Variants in PLCD3 observed in about 807,000 individuals in gnomAD.
The protein encoded by PLCD3 is 1-phosphatidylinositol 4,5-bisphosphate phosphodiesterase delta-3.
In PLCD3, 62 loss-of-function variants were observed where a neutral mutation model predicts 82.8. That is an observed-to-expected ratio of 0.75 (90% CI 0.61 to 0.93). The LOEUF (loss-of-function observed/expected upper bound fraction) is 0.93. Ranked by LOEUF, PLCD3 falls within the 40% of genes least tolerant of loss-of-function variation. The probability of loss-of-function intolerance (pLI) is 0.00; values close to 1 mark genes in which losing one functional copy is unlikely to be tolerated. For synonymous variants in PLCD3, 478 were observed against 471.8 expected (o/e 1.01, Z -0.17); for missense variants, 1,023 against 1,103.4 (o/e 0.93, Z 1.03).
rs779683329 is a variant in PLCD3 at position 45,116,622 on chromosome 17, G to A, written c.1413+10C>T. 1 of 1,566,782 alleles carries A rather than the reference G, an allele frequency of 6.4e-7. No individual in the cohort carries two copies. The highest frequency in any genetic ancestry group is 1.4e-5 in the African/African-American group (1 of 73,226). ...TCCCTCCACCCAGGCTAGGGGCTGG[G>A]GGGCGTCACCTCTGGGGATGGCAGC... On this transcript the variant is annotated intron_variant, in intron 8 of 14. Transcript: ENST00000619929.
In PLCD3 at chr17:45,115,075, C is replaced by G; in HGVS notation, c.1711+19G>C. 6.3e-7 allele frequency: 1 copy of G among 1,585,974 alleles called. No individual in the cohort carries two copies. Among genetic ancestry groups the G allele is most frequent in the South Asian group, 1.2e-5 (1 of 86,322 alleles). ...CTCTCACCCTCTCGCCCCCAGACAC[C>G]CAGTGCCCCAGCTCCTACCTGCCTC... On this transcript the variant is annotated intron_variant, in intron 10 of 14. Coordinates refer to ENST00000619929, the MANE Select transcript of PLCD3 (RefSeq NM_133373.5).
chr17:45,130,930 A>AC (rs1255660971), intron 1 of PLCD3, among the ~76,000 whole-genome samples: 1 of 55,736 alleles, frequency 1.8e-5, no homozygotes. Context: ...CTGTTCCCCC[A>AC]CCCCCAAGGT....
chr17:45,115,541 G>A (rs778245853), intron 8 of PLCD3, 51 bp from the exon 9 acceptor site: 1 of 1,510,218 alleles, frequency 6.6e-7, no homozygotes, highest in Non-Finnish European at 9.0e-7. Flanking sequence ...CGCCCCTGTG[G>A]CAGCCAGTCA....
chr17:45,118,809 C>T lies in PLCD3; in HGVS notation c.913+6G>A, dbSNP rs1487041405. The T allele has an allele frequency of 6.3e-7, 1 of 1,597,976 alleles. No homozygotes were observed. Among genetic ancestry groups the T allele is most frequent in the Non-Finnish European group, 8.5e-7 (1 of 1,169,922 alleles). ...TGCCACGACCTGGCCGTGCCACCCC[C>T]CCCACCTGTCTCGTTGAGCTCATAG... On this transcript the variant is annotated splice_donor_region_variant and intron_variant, in intron 5 of 14. Coordinates refer to ENST00000619929, the MANE Select transcript of PLCD3 (RefSeq NM_133373.5). This position sits in a 1 kb window ranked among gnomAD's most constrained non-coding sequence, Gnocchi z 4.1.
chr17:45,119,146 A>G, intron 4 of PLCD3, 103 bp from the exon 5 acceptor site: 2 of 837,494 alleles, frequency 2.4e-6, no homozygotes, highest in South Asian at 3.5e-5. Flanking sequence ...AATGGTCCCC[A>G]TTTCACAGGT....
chr17:45,131,983 C>G (rs1032653623), intron 1 of PLCD3, among the ~76,000 whole-genome samples: 1 of 152,224 alleles, frequency 6.6e-6, no homozygotes, highest in African/African-American at 2.4e-5. Flanking sequence ...CCCACCAGCG[C>G]CCCGTGCCCG....
intron 4 of PLCD3, among the ~76,000 whole-genome samples, chr17:45,119,535 C>T (rs886815900): frequency 5.9e-5 from 9 of 152,196 alleles, no homozygotes; most frequent in Non-Finnish European, 1.3e-4. Flanking sequence ...TGAGCCTGGC[C>T]GGCAGGGCTG....
chr17:45,122,604 T>G (rs536538895), intron 1 of PLCD3, among the ~76,000 whole-genome samples: 18 of 152,310 alleles, frequency 1.2e-4, no homozygotes, highest in African/African-American at 4.1e-4. Context: ...ATGGCCCCAG[T>G]GGCACTAACC....
At chr17:45,123,949 T>A (rs1172040635) in intron 1 of PLCD3, among the ~76,000 whole-genome samples, 1 of 108,930 alleles carries the variant, frequency 9.2e-6, no homozygotes, top group East Asian at 2.4e-4. Flanking sequence ...GCCGAGGGGC[T>A]CACCAGACCC....
At chr17:45,129,959 T>C (rs552682063) in intron 1 of PLCD3, among the ~76,000 whole-genome samples, 1 of 152,128 alleles carries the variant, frequency 6.6e-6, no homozygotes, top group African/African-American at 2.4e-5. Flanking sequence ...GGCTAAGGGG[T>C]GTGGTGATGG....
intron 1 of PLCD3, among the ~76,000 whole-genome samples, chr17:45,126,989 T>C (rs763888639): frequency 5.3e-5 from 8 of 152,230 alleles, no homozygotes; most frequent in Admixed American, 1.3e-4. Context: ...TCAAAAATGC[T>C]GTTAAAGAAG....
In PLCD3 at chr17:45,119,118, T is replaced by C. The variant is rs2054317343; in HGVS notation, c.685-75A>G. 7.7e-6 allele frequency: 9 copies of C among 1,169,058 alleles called. No individual in the cohort carries two copies. In the South Asian group the frequency reaches 1.2e-4, roughly 15 times the overall value. The allele number at this position is 1,169,058 out of a possible 1,614,324, so 72.4% of individuals were successfully genotyped here. ...TGGCCCCTTTGACCCATCTGTCATCTACCACATCTGAGAAGGCAATGGTCC... is the reference window on the plus strand; with the variant it reads ...TGGCCCCTTTGACCCATCTGTCATCCACCACATCTGAGAAGGCAATGGTCC... On this transcript the variant is annotated intron_variant, in intron 4 of 14. Coordinates refer to ENST00000619929, the MANE Select transcript of PLCD3 (RefSeq NM_133373.5).
At chr17:45,127,048 G>A (rs1293682855) in intron 1 of PLCD3, among the ~76,000 whole-genome samples, 1 of 152,234 alleles carries the variant, frequency 6.6e-6, no homozygotes, top group African/African-American at 2.4e-5. Context: ...GTGGAAGTTG[G>A]GGGAGTCTGA....
At position 45,121,269 on chromosome 17, in the gene PLCD3, C is replaced by G; in HGVS notation, c.267G>C (p.Glu89Asp). Reference sequence around the variant, plus strand: ...GCTGGAACCACACGCTCAGGCCGTCCTCCTGCAGCCGGTACAGCCGCTCCT... The same window carrying G: ...GCTGGAACCACACGCTCAGGCCGTCGTCCTGCAGCCGGTACAGCCGCTCCT... ...WHKERLYRLQ[E>D]DGLSVWFQRR... Residue 89 changes from glutamate to aspartate, a missense_variant, in exon 2 of 15, where the codon GAG (glutamate) becomes GAC (aspartate). Transcript: ENST00000619929. The G allele has an allele frequency of 6.3e-7, 1 of 1,590,460 alleles. No individual in the cohort carries two copies. The highest frequency in any genetic ancestry group is 8.5e-7 in the Non-Finnish European group (1 of 1,176,636).
chr17:45,126,203 C>T (rs1292018233), intron 1 of PLCD3, among the ~76,000 whole-genome samples: 1 of 151,838 alleles, frequency 6.6e-6, no homozygotes, highest in Non-Finnish European at 1.5e-5. Flanking sequence ...GCCACCACAC[C>T]TGGCTAATTT....
chr17:45,125,837 C>G (rs996404809), intron 1 of PLCD3, among the ~76,000 whole-genome samples: 1 of 152,096 alleles, frequency 6.6e-6, no homozygotes, highest in Non-Finnish European at 1.5e-5. Context: ...TTCATAGAGA[C>G]AGAAAGTAGC....
At chr17:45,115,626 G>A (rs751518291) in intron 8 of PLCD3, 136 bp from the exon 9 acceptor site, 54 of 751,770 alleles carry the variant, frequency 7.2e-5, no homozygotes, top group African/African-American at 2.5e-4. Context: ...AGAGATGAGC[G>A]ATGTTTCTAA....
At chr17:45,131,019 C>T (rs559457426) in intron 1 of PLCD3, among the ~76,000 whole-genome samples, 1 of 152,170 alleles carries the variant, frequency 6.6e-6, no homozygotes, top group African/African-American at 2.4e-5. Context: ...GTGGAGCATA[C>T]CATAGGCACT....
chr17:45,120,835 G>T, intron 3 of PLCD3, 67 bp downstream of exon 3: 2 of 1,394,086 alleles, frequency 1.4e-6, no homozygotes, highest in South Asian at 3.1e-5. Context: ...GGCTCTCCAA[G>T]GATGGGGCTC....
Sources: gnomAD v4.1 joint callset for allele counts (sites outside exome capture counted in the v4.1 genomes callset) on GRCh38, gnomAD v4.1.1 for gene constraint, Gnocchi (gnomAD v3.1) non-coding constraint, MANE v1.5 for transcripts, NCBI Gene and HGNC (gene_info 2026-07-23, HGNC 2026-07-21) for gene names.